The following CACNA1C variants were observed in gnomAD, a reference collection of about 807,000 sequenced individuals.
CACNA1C encodes voltage-dependent L-type calcium channel subunit alpha-1C.
Under a neutral mutation model 229.0 loss-of-function variants are expected in CACNA1C, and 30 were observed. The ratio of observed to expected loss-of-function variants is 0.13; its 90% CI spans 0.10 to 0.18. The LOEUF is 0.18. Ranked by LOEUF, CACNA1C falls within the 10% of genes least tolerant of loss-of-function variation. CACNA1C has a pLI of 1.00. For synonymous variants in CACNA1C, 1,114 were observed against 1,132.5 expected, an observed-to-expected ratio of 0.98 and a Z score of 0.33; for missense variants, 1,658 against 2,845.0, an observed-to-expected ratio of 0.58 and a Z score of 9.49.
At chr12:2,146,310 T>C (rs1311162923) in intron 3 of CACNA1C, among the ~76,000 whole-genome samples, 2 of 151,138 alleles carry the variant, frequency 1.3e-5, no homozygotes, top group Admixed American at 1.3e-4. Flanking sequence ...AATTCTACAG[T>C]AGGAGTCAGG....
chr12:2,207,750 G>T (rs1317134589), intron 3 of CACNA1C, among the ~76,000 whole-genome samples: 1 of 152,124 alleles, frequency 6.6e-6, no homozygotes, highest in Non-Finnish European at 1.5e-5. Flanking sequence ...GGAAGTTGAG[G>T]CTGCAGTGAG....
intron 3 of CACNA1C, among the ~76,000 whole-genome samples, chr12:2,230,279 G>A (rs1361548311): frequency 6.6e-6 from 1 of 152,186 alleles, no homozygotes; most frequent in Non-Finnish European, 1.5e-5. Context: ...TGTACGTGGG[G>A]ACGGCGCCGG....
At chr12:2,496,346 G>C (rs1290914948) in intron 7 of CACNA1C, among the ~76,000 whole-genome samples, 1 of 152,286 alleles carries the variant, frequency 6.6e-6, no homozygotes, top group Admixed American at 6.5e-5. Context: ...AGGCACAAGG[G>C]CAAGTCTAAA....
At chr12:2,526,718 G>A (rs2099819079) in intron 9 of CACNA1C, among the ~76,000 whole-genome samples, 1 of 152,240 alleles carries the variant, frequency 6.6e-6, no homozygotes. Flanking sequence ...GGTCTCCGGT[G>A]AAGGTAGACT....
At chr12:2,112,483 A>G (rs1246001616) in intron 1 of CACNA1C, among the ~76,000 whole-genome samples, 8 of 152,162 alleles carry the variant, frequency 5.3e-5, no homozygotes, top group Admixed American at 2.0e-4. Context: ...GGCAGAGAAC[A>G]GGAGGAAGGT....
chr12:2,404,290 C>T (rs2098711530), intron 3 of CACNA1C, among the ~76,000 whole-genome samples: 1 of 152,168 alleles, frequency 6.6e-6, no homozygotes, highest in Non-Finnish European at 1.5e-5. Flanking sequence ...ACTAAGAGCG[C>T]TCATGGGGGC....
chr12:2,659,833 T>C (rs1278278433), intron 34 of CACNA1C: 1 of 151,640 alleles, frequency 6.6e-6, no homozygotes, highest in East Asian at 1.9e-4. Flanking sequence ...ACATCAGAAA[T>C]GCAAAAAGCA....
chr12:2,068,476 G>A (rs912721735), intron 1 of CACNA1C, among the ~76,000 whole-genome samples: 1 of 152,224 alleles, frequency 6.6e-6, no homozygotes, highest in Non-Finnish European at 1.5e-5. Flanking sequence ...GCAGCGGCCA[G>A]AGCCCCTGCA....
In CACNA1C at chr12:2,585,809, C is replaced by T. The variant is rs1210662718; in HGVS notation, c.2461-26C>T. The T allele has an allele frequency of 6.4e-7, 1 of 1,552,478 alleles. No individual in the cohort carries two copies. The highest frequency in any genetic ancestry group is 1.4e-5 in the African/African-American group (1 of 73,560). On this transcript the variant is annotated intron_variant, in intron 17 of 46. Coordinates refer to ENST00000399655, the MANE Select transcript of CACNA1C (RefSeq NM_000719.7). This position sits in a 1 kb window ranked among gnomAD's most constrained non-coding sequence, Gnocchi z 4.1. Reference sequence around the variant, plus strand: ...CTTGGGGACGTATCTAACTATTCTTCCCCCTTCTCCCCTGTGACTGTCTAG... The same window carrying T: ...CTTGGGGACGTATCTAACTATTCTTTCCCCTTCTCCCCTGTGACTGTCTAG...
intron 1 of CACNA1C, among the ~76,000 whole-genome samples, chr12:1,973,601 C>G (rs890156074): frequency 1.3e-5 from 2 of 152,152 alleles, no homozygotes; most frequent in African/African-American, 4.8e-5. Flanking sequence ...TCTTCCTAAA[C>G]TGGGAACCTT....
chr12:2,248,533 A>G (rs373884467), intron 3 of CACNA1C, among the ~76,000 whole-genome samples: 56 of 152,244 alleles, frequency 3.7e-4, no homozygotes, highest in African/African-American at 1.4e-3. Flanking sequence ...AGTGGTGTGC[A>G]GGACAGACAG....
At chr12:1,979,162 G>A (rs532689637) in intron 1 of CACNA1C, among the ~76,000 whole-genome samples, 2 of 152,262 alleles carry the variant, frequency 1.3e-5, no homozygotes, top group African/African-American at 2.4e-5. Flanking sequence ...ACACGTGCCC[G>A]CCATCGAGCC....
chr12:2,310,906 G>C (rs1265591563), intron 3 of CACNA1C, among the ~76,000 whole-genome samples: 1 of 152,182 alleles, frequency 6.6e-6, no homozygotes, highest in Non-Finnish European at 1.5e-5. Flanking sequence ...GGTAGAAAAA[G>C]GAAGACAGCC....
At chr12:2,636,444 G>A (rs1342712013) in intron 30 of CACNA1C, among the ~76,000 whole-genome samples, 1 of 152,206 alleles carries the variant, frequency 6.6e-6, no homozygotes, top group Non-Finnish European at 1.5e-5. Flanking sequence ...TGGGGATAGG[G>A]AGGGGGCCTG....
At chr12:2,294,939 G>A (rs2093891295) in intron 3 of CACNA1C, among the ~76,000 whole-genome samples, 2 of 152,160 alleles carry the variant, frequency 1.3e-5, no homozygotes, top group South Asian at 2.1e-4. Flanking sequence ...AAGCAATGCT[G>A]TGCGCACAGT....
At chr12:2,256,545 C>T (rs749398536) in intron 3 of CACNA1C, among the ~76,000 whole-genome samples, 50 of 152,124 alleles carry the variant, frequency 3.3e-4, no homozygotes, top group Non-Finnish European at 6.2e-4. Context: ...CCCTGATGAG[C>T]GTACAGGGTT....
chr12:2,597,260 A>G lies in CACNA1C; in HGVS notation c.2824A>G (p.Thr942Ala), dbSNP rs369884505. 8 of 1,611,864 alleles carry G rather than the reference A, an allele frequency of 5.0e-6. No homozygotes were observed. In the African/African-American group the frequency reaches 8.0e-5, roughly 16 times the overall value. ...GTTTTATTTTGATATTGTTTTTACC[A>G]CCATTTTCACCATTGAAATTGCTCT... is the stretch of plus-strand genomic sequence containing the variant. ...ILFYFDIVFT[T>A]IFTIEIALKM... Residue 942 changes from threonine to alanine, a missense_variant, in exon 21 of 47, where the codon ACC (threonine) becomes GCC (alanine). Thr to Ala is a moderately conservative substitution (Grantham distance 58). Coordinates refer to ENST00000399655, the MANE Select transcript of CACNA1C (RefSeq NM_000719.7). The surrounding 1 kb of genome is among the most constrained non-coding windows in gnomAD (Gnocchi z 4.3).
chr12:2,110,102 G>A (rs1240616685), intron 1 of CACNA1C, among the ~76,000 whole-genome samples: 1 of 152,202 alleles, frequency 6.6e-6, no homozygotes, highest in African/African-American at 2.4e-5. Context: ...CCAGCACCAA[G>A]CCCCTCACTC....
rs1042667259 is a variant in CACNA1C, at chr12:2,346,066, A to T, written c.478-102910A>T. On this transcript the variant is annotated intron_variant, in intron 3 of 46. Transcript: ENST00000399655. The surrounding 1 kb of genome is among the most constrained non-coding windows in gnomAD (Gnocchi z 4.4). ...GGCTGAGATAGTGCTGAAGATGCAC[A>T]GCCTCTGTGTTCCATTTAGAACCGC... 1.3e-5 allele frequency among the ~76,000 whole-genome samples: 2 copies of T among 152,214 alleles called. No homozygotes were observed. The highest frequency in any genetic ancestry group is 4.8e-5 in the African/African-American group (2 of 41,456).
Sources: gnomAD v4.1 joint callset for allele counts (sites outside exome capture counted in the v4.1 genomes callset) on GRCh38, gnomAD v4.1.1 for gene constraint, Gnocchi (gnomAD v3.1) non-coding constraint, MANE v1.5 for transcripts, NCBI Gene and HGNC (gene_info 2026-07-23, HGNC 2026-07-21) for gene names.